The following TSHZ2 variants were observed in gnomAD, a reference collection of about 807,000 sequenced individuals.
The protein encoded by TSHZ2 is teashirt zinc finger homeobox 2.
Under a neutral mutation model 74.4 loss-of-function variants are expected in TSHZ2, and 21 were observed. The observed-to-expected ratio is 0.28, with a 90% CI of 0.20 to 0.41. TSHZ2 has a LOEUF of 0.41. Ranked by LOEUF, TSHZ2 falls within the 10% of genes least tolerant of loss-of-function variation. The probability of loss-of-function intolerance (pLI) is 1.00; values close to 1 mark genes in which losing one functional copy is unlikely to be tolerated. For synonymous variants in TSHZ2, 540 were observed against 515.3 expected (o/e 1.05, Z -0.65); for missense variants, 1,244 against 1,293.5 (o/e 0.96, Z 0.59).
intron 2 of TSHZ2, among the ~76,000 whole-genome samples, chr20:53,465,279 G>GTA (rs1336199945): frequency 6.6e-6 from 1 of 151,942 alleles, no homozygotes; most frequent in Admixed American, 6.6e-5. Context: ...TTGTGTGTGT[G>GTA]TGTGTGTGTG....
chr20:53,202,055 G>A (rs544758567), intron 1 of TSHZ2, among the ~76,000 whole-genome samples: 61 of 152,268 alleles, frequency 4.0e-4, no homozygotes, highest in African/African-American at 1.4e-3. Context: ...CATATGTGTC[G>A]CTCACATGGA....
intron 1 of TSHZ2, among the ~76,000 whole-genome samples, chr20:53,026,396 A>G (rs2123048591): frequency 6.7e-6 from 1 of 150,092 alleles, no homozygotes; most frequent in South Asian, 2.1e-4. Flanking sequence ...TCTGTTGCCC[A>G]GGCTGGAGTG....
In TSHZ2 at chr20:53,472,474, C is replaced by A. The variant is rs11905052; in HGVS notation, c.*9-14670C>A. ...GGGTACAGAATAAGGATTGGGGGTG[C>A]AAGCACCCTGTTTGGGGAAAGGTTT... On this transcript the variant is annotated intron_variant, in intron 2 of 2. Transcript: ENST00000371497. Among the ~76,000 whole-genome samples the A allele has an allele frequency of 3.2e-3, 482 of 152,254 alleles. 4 individuals carry two copies. Among genetic ancestry groups the A allele is most frequent in the African/African-American group, 0.011 (456 of 41,546 alleles).
intron 1 of TSHZ2, among the ~76,000 whole-genome samples, chr20:53,048,740 T>G (rs567900002): frequency 6.6e-6 from 1 of 152,310 alleles, no homozygotes; most frequent in South Asian, 2.1e-4. Flanking sequence ...GTTCACTCAG[T>G]GCAGAAAAGC....
intron 1 of TSHZ2, among the ~76,000 whole-genome samples, chr20:53,229,905 GAA>G (rs60936867): frequency 1.4e-5 from 2 of 147,872 alleles, no homozygotes; most frequent in African/African-American, 5.0e-5. Context: ...AGAGGGAGGG[GAA>G]AAAAAGAGAA....
intron 2 of TSHZ2, among the ~76,000 whole-genome samples, chr20:53,385,925 C>G (rs977854057): frequency 4.6e-5 from 7 of 152,178 alleles, no homozygotes; most frequent in Non-Finnish European, 5.9e-5. Context: ...CAGATCACTC[C>G]GGACACAAAG....
At position 53,255,074 on chromosome 20, in the gene TSHZ2, G is replaced by T. The variant is rs752664042; in HGVS notation, c.1616G>T (p.Ser539Ile). ...GCCCAAAACGGGGCCCCCAGCTGGAGTGCCTACCCCAGCATCCACGCAGCC... is the reference window on the plus strand; with the variant it reads ...GCCCAAAACGGGGCCCCCAGCTGGATTGCCTACCCCAGCATCCACGCAGCC... ...NKAQNGAPSW[S>I]AYPSIHAAYQ... The change falls in exon 2 of 3, where the codon AGT becomes ATT. Residue 539 changes from serine (S) to isoleucine (I), a missense_variant. Ser to Ile is a moderately radical substitution (Grantham distance 142, BLOSUM62 -2). Transcript: ENST00000371497. This position sits in a 1 kb window ranked among gnomAD's most constrained non-coding sequence, Gnocchi z 4.1. 2 of 1,614,178 alleles carry T rather than the reference G, an allele frequency of 1.2e-6. No homozygotes were observed. The highest frequency in any genetic ancestry group is 1.7e-6 in the Non-Finnish European group (2 of 1,180,038).
intron 1 of TSHZ2, among the ~76,000 whole-genome samples, chr20:53,052,962 G>T (rs1003286700): frequency 4.6e-5 from 7 of 152,102 alleles, no homozygotes; most frequent in Admixed American, 2.6e-4. Context: ...CTGTGCAACC[G>T]TCGTCGCGGT....
chr20:53,450,808 T>C (rs1247348510), intron 2 of TSHZ2, among the ~76,000 whole-genome samples: 1 of 152,160 alleles, frequency 6.6e-6, no homozygotes, highest in Non-Finnish European at 1.5e-5. Context: ...AGTCATGTAA[T>C]CCACCACTCC....
chr20:53,247,635 T>C (rs748312121), intron 1 of TSHZ2, among the ~76,000 whole-genome samples: 6 of 152,188 alleles, frequency 3.9e-5, no homozygotes, highest in Non-Finnish European at 8.8e-5. Context: ...TTTTTGTACC[T>C]ACTGGGTACA....
intron 1 of TSHZ2, among the ~76,000 whole-genome samples, chr20:53,104,816 C>G (rs1290603003): frequency 2.6e-5 from 4 of 152,180 alleles, no homozygotes; most frequent in Non-Finnish European, 5.9e-5. Context: ...ACGAAGGTCT[C>G]AAACATAAAT....
chr20:53,363,671 G>A (rs1203632329), intron 2 of TSHZ2, among the ~76,000 whole-genome samples: 1 of 152,182 alleles, frequency 6.6e-6, no homozygotes, highest in Non-Finnish European at 1.5e-5. Flanking sequence ...TTTGTGACTG[G>A]GCGTGGTGGC....
chr20:53,204,135 T>TGATACTATATCATCATATGATGATATG, intron 1 of TSHZ2, among the ~76,000 whole-genome samples: 1 of 6,528 alleles, frequency 1.5e-4, no homozygotes, highest in African/African-American at 2.6e-4. Flanking sequence ...TGATATGATA[T>TGATACTATATCATCATATGATGATATG]ACTATATCAT....
chr20:53,191,149 C>A (rs899819584), intron 1 of TSHZ2, among the ~76,000 whole-genome samples: 3 of 151,768 alleles, frequency 2.0e-5, no homozygotes, highest in African/African-American at 7.3e-5. Context: ...CGTATACATA[C>A]ACATGTGCAT....
chr20:53,117,041 AAGAG>A (rs374561738), intron 1 of TSHZ2, among the ~76,000 whole-genome samples: 25 of 151,830 alleles, frequency 1.6e-4, no homozygotes, highest in Non-Finnish European at 3.2e-4. Context: ...AAGGGAGAGA[AAGAG>A]AGAGAGAGAA....
intron 1 of TSHZ2, among the ~76,000 whole-genome samples, chr20:53,148,114 G>A (rs147217215): frequency 6.6e-6 from 1 of 152,342 alleles, no homozygotes; most frequent in African/African-American, 2.4e-5. Context: ...CTTTTGGAAA[G>A]TCTCTAAATT....
In TSHZ2 at chr20:53,431,059, T is replaced by C. The variant is rs1043372835; in HGVS notation, c.*9-56085T>C. Among the ~76,000 whole-genome samples the C allele has an allele frequency of 3.3e-5, 5 of 152,168 alleles. No individual in the cohort carries two copies. The South Asian group carries it at 1.0e-3, about 31-fold the overall frequency. ...ACTGTGCCAGGCCTGATTTAGTTTT[T>C]AATTCACATTTTACGATGTGGATAA... is the stretch of plus-strand genomic sequence containing the variant. On this transcript the variant is annotated intron_variant, in intron 2 of 2. Coordinates refer to ENST00000371497, the MANE Select transcript of TSHZ2 (RefSeq NM_173485.6).
chr20:53,294,384 A>G (rs181876591), intron 2 of TSHZ2, among the ~76,000 whole-genome samples: 130 of 152,290 alleles, frequency 8.5e-4, no homozygotes, highest in Middle Eastern at 3.4e-3. Flanking sequence ...AAATAGTCAT[A>G]AAATACTTTC....
chr20:53,125,326 C>T (rs979715748), intron 1 of TSHZ2, among the ~76,000 whole-genome samples: 1 of 152,166 alleles, frequency 6.6e-6, no homozygotes, highest in African/African-American at 2.4e-5. Flanking sequence ...TCCTGGTTAC[C>T]CGCTGAGTGG....
Sources: allele counts gnomAD v4.1 joint callset (sites outside exome capture counted in the v4.1 genomes callset), GRCh38; gene constraint gnomAD v4.1.1; non-coding constraint Gnocchi (gnomAD v3.1); transcripts MANE v1.5; gene names NCBI Gene and HGNC (gene_info 2026-07-23, HGNC 2026-07-21).